MYO5B: variants seen among roughly 807,000 people sequenced by gnomAD.
The protein encoded by MYO5B is myosin VB, also known as unconventional myosin-Vb.
MYO5B carries 143 observed loss-of-function variants against 229.3 expected under a neutral mutation model. The observed-to-expected ratio is 0.62, with a 90% CI of 0.54 to 0.72. MYO5B has a LOEUF of 0.72. Ranked by LOEUF, MYO5B falls within the 30% of genes least tolerant of loss-of-function variation. MYO5B has a pLI of 0.00. For synonymous variants in MYO5B, 918 were observed against 885.2 expected (o/e 1.04, Z -0.66); for missense variants, 2,321 against 2,331.0 (o/e 1.00, Z 0.09).
chr18:49,879,215 G>A (rs1374387554), intron 23 of MYO5B, 125 bp from the exon 24 acceptor site: 2 of 1,168,038 alleles, frequency 1.7e-6, no homozygotes, highest in Non-Finnish European at 2.5e-6. Context: ...GGCTCTTGAT[G>A]AATCTATTAC....
chr18:49,835,412 A>G lies in MYO5B; in HGVS notation c.5326T>C (p.Leu1776=). The G allele has an allele frequency of 6.2e-7, 1 of 1,612,018 alleles. No homozygotes were observed. The highest frequency in any genetic ancestry group is 1.7e-5 in the Admixed American group (1 of 60,026). The change falls in exon 39 of 40, where the codon TTA becomes CTA. Residue 1776 remains leucine, a synonymous_variant. Transcript: ENST00000285039. ...SLSTQQIVKI[L]NLYTPLNEFE... Reference sequence around the variant, plus strand: ...TCATTCAGGGGAGTATAAAGGTTTAAAATTTTGACAATCTGTTGGGGATAA... The same window carrying G: ...TCATTCAGGGGAGTATAAAGGTTTAGAATTTTGACAATCTGTTGGGGATAA...
At chr18:50,036,283 G>T (rs552087128) in intron 4 of MYO5B, among the ~76,000 whole-genome samples, 96 of 152,318 alleles carry the variant, frequency 6.3e-4, no homozygotes, top group South Asian at 1.9e-3. Context: ...CTATTTTTCA[G>T]AGTGAAAAGA....
chr18:50,149,890 C>A (rs1435626525), intron 1 of MYO5B, among the ~76,000 whole-genome samples: 2 of 147,788 alleles, frequency 1.4e-5, no homozygotes, highest in African/African-American at 5.0e-5. Context: ...TCAGAGTGAA[C>A]AGGCAACCTA....
At chr18:50,045,067 G>A (rs1392413399) in intron 2 of MYO5B, among the ~76,000 whole-genome samples, 2 of 152,156 alleles carry the variant, frequency 1.3e-5, no homozygotes, top group Admixed American at 1.3e-4. Flanking sequence ...TTCTGTTCTT[G>A]TCCTTGTGCT....
At chr18:50,151,349 CA>C (rs1409212903) in intron 1 of MYO5B, among the ~76,000 whole-genome samples, 1 of 152,142 alleles carries the variant, frequency 6.6e-6, no homozygotes, top group Non-Finnish European at 1.5e-5. Context: ...AGTTCTTCCC[CA>C]ATTCTGTGAC....
At chr18:50,081,376 A>G (rs765845321) in intron 1 of MYO5B, among the ~76,000 whole-genome samples, 1 of 152,210 alleles carries the variant, frequency 6.6e-6, no homozygotes, top group African/African-American at 2.4e-5. Flanking sequence ...TAACCAGCTA[A>G]CAGCCAACAA....
intron 1 of MYO5B, among the ~76,000 whole-genome samples, chr18:50,186,193 G>T (rs562313941): frequency 2.4e-4 from 36 of 152,322 alleles, no homozygotes; most frequent in Admixed American, 7.2e-4. Flanking sequence ...ATCCCAAGCT[G>T]GGCCAGCCTC....
intron 14 of MYO5B, among the ~76,000 whole-genome samples, chr18:49,941,174 C>T (rs987238591): frequency 6.6e-6 from 1 of 152,194 alleles, no homozygotes; most frequent in African/African-American, 2.4e-5. Flanking sequence ...TTCTCACAGA[C>T]ACACCAACCA....
chr18:49,855,203 C>T (rs1364259551), intron 30 of MYO5B, among the ~76,000 whole-genome samples: 1 of 152,208 alleles, frequency 6.6e-6, no homozygotes, highest in African/African-American at 2.4e-5. Context: ...GGATTTCTCT[C>T]CTGCCTTGTG....
At chr18:49,953,892 ATATG>A (rs1487687539) in intron 13 of MYO5B, among the ~76,000 whole-genome samples, 7 of 127,558 alleles carry the variant, frequency 5.5e-5, no homozygotes, top group African/African-American at 2.0e-4. Context: ...ATATATACAT[ATATG>A]TGTGTGTGTG....
At chr18:50,140,379 T>G (rs547734398) in intron 1 of MYO5B, among the ~76,000 whole-genome samples, 1 of 152,330 alleles carries the variant, frequency 6.6e-6, no homozygotes, top group East Asian at 1.9e-4. Flanking sequence ...ACTAAAGCAA[T>G]GCCTCAGTGC....
chr18:49,906,668 T>G, intron 18 of MYO5B, 38 bp from the exon 19 acceptor site: 1 of 1,562,658 alleles, frequency 6.4e-7, no homozygotes, highest in African/African-American at 1.4e-5. Flanking sequence ...TGGTCACCAG[T>G]GAGCAGAGAA....
intron 1 of MYO5B, among the ~76,000 whole-genome samples, chr18:50,191,712 A>G (rs1016645068): frequency 3.9e-5 from 6 of 152,216 alleles, no homozygotes; most frequent in Non-Finnish European, 5.9e-5. Flanking sequence ...TGGAAAATGC[A>G]TATCATGGAA....
At chr18:50,157,707 ATCC>A (rs1231122292) in intron 1 of MYO5B, among the ~76,000 whole-genome samples, 9 of 152,288 alleles carry the variant, frequency 5.9e-5, no homozygotes, top group African/African-American at 1.9e-4. Context: ...GTCTTGCACC[ATCC>A]TGTTCATTTT....
chr18:50,001,482 G>T, intron 4 of MYO5B, 71 bp from the exon 5 acceptor site: 1 of 1,562,964 alleles, frequency 6.4e-7, no homozygotes, highest in Non-Finnish European at 8.8e-7. Flanking sequence ...GACTCTGTCT[G>T]ACAAGGGCCT....
intron 3 of MYO5B, among the ~76,000 whole-genome samples, chr18:50,037,460 T>C (rs1238259547): frequency 6.6e-6 from 1 of 152,238 alleles, no homozygotes; most frequent in Non-Finnish European, 1.5e-5. Context: ...GAATACAATT[T>C]ACATATCTTG....
intron 1 of MYO5B, among the ~76,000 whole-genome samples, chr18:50,079,944 C>A (rs76376415): frequency 0.01 from 1,538 of 152,296 alleles, 29 homozygotes; most frequent in African/African-American, 0.034. Context: ...CCTGAGATGA[C>A]AAGTATGGGG....
chr18:49,915,808 A>G (rs2025007255), intron 17 of MYO5B, among the ~76,000 whole-genome samples: 1 of 152,230 alleles, frequency 6.6e-6, no homozygotes, highest in Non-Finnish European at 1.5e-5. Flanking sequence ...CAAACTGCCC[A>G]TCAGATGTGT....
At chr18:49,945,990 A>G (rs982542204) in intron 14 of MYO5B, among the ~76,000 whole-genome samples, 12 of 152,196 alleles carry the variant, frequency 7.9e-5, no homozygotes, top group Non-Finnish European at 1.5e-4. Flanking sequence ...TCTAATTCAT[A>G]TACTTTCTGA....
Sources: allele counts gnomAD v4.1 joint callset (sites outside exome capture counted in the v4.1 genomes callset), GRCh38; gene constraint gnomAD v4.1.1; transcripts MANE v1.5; gene names NCBI Gene and HGNC (gene_info 2026-07-23, HGNC 2026-07-21).